Variants in KRT76 observed in about 807,000 individuals in gnomAD.
The protein encoded by KRT76 is keratin 76, also known as keratin, type II cytoskeletal 2 oral.
In KRT76, 47 loss-of-function variants were observed where a neutral mutation model predicts 44.9. The ratio of observed to expected loss-of-function variants is 1.05; its 90% CI spans 0.83 to 1.33. KRT76 has a LOEUF of 1.33. KRT76 is among the 40% of genes most tolerant of loss of function. The probability of loss-of-function intolerance (pLI) is 0.00; values close to 1 mark genes in which losing one functional copy is unlikely to be tolerated. For missense variants in KRT76, 860 were observed against 775.8 expected (o/e 1.11, Z -1.29); for synonymous variants, 331 against 294.1 (o/e 1.13, Z -1.28).
intron 4 of KRT76, 128 bp from the exon 5 acceptor site, chr12:52,772,386 T>A (rs2121191333): frequency 1.2e-6 from 1 of 864,798 alleles, no homozygotes; most frequent in East Asian, 2.7e-5. Context: ...GCTCACATTT[T>A]AGGCCTGGCT....
Position 52,772,264 on chromosome 12 carries a change from G to A in KRT76, c.973-6C>T. On this transcript the variant is annotated splice_polypyrimidine_tract_variant and splice_region_variant and intron_variant, in intron 4 of 8. Transcript: ENST00000332411. ...CTTTGCATCTGGGACAGCTCCTGCA[G>A]GAAACATGGATAGTTACTCTTACCA... 5.0e-6 allele frequency: 8 copies of A among 1,590,130 alleles called. No homozygotes were observed. Among genetic ancestry groups the A allele is most frequent in the Non-Finnish European group, 6.0e-6 (7 of 1,167,994 alleles).
rs149176912 is a variant in KRT76, at chr12:52,775,496, G to T, written c.707C>A (p.Ser236Tyr). 1 of 1,614,178 alleles carries T rather than the reference G, an allele frequency of 6.2e-7. No homozygotes were observed. The stretch of plus-strand genomic sequence containing the variant: ...CTGCTTGCATAGGAAGCTGATGTAG[G>T]ATTCAAAACAAGGCTCCAGGCTGCT... ...GPSSLEPCFE[S>Y]YISFLCKQLD... Residue 236 changes from serine to tyrosine, a missense_variant, in exon 2 of 9, where the codon TCC (serine) becomes TAC (tyrosine). Ser to Tyr is a moderately radical substitution (Grantham distance 144). Coordinates refer to ENST00000332411, the MANE Select transcript of KRT76 (RefSeq NM_015848.4).
Position 52,777,025 on chromosome 12 carries a change from G to A in KRT76, c.267C>T (p.Gly89=), listed in dbSNP as rs1333763878. The change falls in exon 1 of 9, where the codon GGC becomes GGT. Residue 89 remains glycine (G), a synonymous_variant. Transcript: ENST00000332411. ...GGFGGGRSSC[G]FAGGYGGGFG... ...AGCCACCTCCATAGCCACCTGCAAA[G>A]CCACAGCTGCTCCGCCCTCCCCCAA... The A allele has an allele frequency of 6.8e-6, 11 of 1,613,996 alleles. No individual in the cohort carries two copies. In the East Asian group the frequency reaches 8.9e-5, roughly 13 times the overall value.
rs1475050932 is a variant in KRT76 at position 52,768,620 on chromosome 12, C to A, written c.*93G>T. 5 of 1,410,060 alleles carry A rather than the reference C, an allele frequency of 3.5e-6. No individual in the cohort carries two copies. The Admixed American group carries it at 1.1e-4, about 30-fold the overall frequency. The allele number at this position is 1,410,060 out of a possible 1,614,324, so 87.3% of individuals were successfully genotyped here. A position where few individuals can be genotyped will look rare whatever the true frequency, so the allele number is the denominator to read the frequency against. On this transcript the variant is annotated 3_prime_UTR_variant, in exon 9 of 9. Transcript: ENST00000332411. ...GGAACTTGAGGAAAAATGTGGTTGACCCTTATGCATCTATTGATGCCAAGC... is the reference window on the plus strand; with the variant it reads ...GGAACTTGAGGAAAAATGTGGTTGAACCTTATGCATCTATTGATGCCAAGC...
chr12:52,772,375 A>G (rs914845780), intron 4 of KRT76, 117 bp from the exon 5 acceptor site: 2 of 1,043,074 alleles, frequency 1.9e-6, no homozygotes, highest in Non-Finnish European at 2.7e-6. Context: ...TGGAAAAATA[A>G]GCTCACATTT....
In KRT76 at chr12:52,776,943, C is replaced by T. The variant is rs536959890; in HGVS notation, c.349G>A (p.Gly117Arg). Residue 117 changes from glycine to arginine, a missense_variant, in exon 1 of 9, where the codon GGA (glycine) becomes AGA (arginine). Coordinates refer to ENST00000332411, the MANE Select transcript of KRT76 (RefSeq NM_015848.4). ...GCTCCACCAAAGCCACCAGCCCCTC[C>T]AAAACCACTACCTACTCCTCTGCCA... ...GGGRGVGSGF[G>R]GAGGFGGAGG... 3.1e-6 allele frequency: 5 copies of T among 1,613,896 alleles called. No individual in the cohort carries two copies. In the African/African-American group the frequency reaches 4.0e-5, roughly 13 times the overall value.
At chr12:52,775,645 G>A (rs1013327714) in intron 1 of KRT76, 43 bp from the exon 2 acceptor site, 5 of 1,509,982 alleles carry the variant, frequency 3.3e-6, no homozygotes, top group Non-Finnish European at 4.6e-6. Context: ...CCTTGAGTTG[G>A]GCATGTGGGG....
At position 52,776,700 on chromosome 12, in the gene KRT76, T is replaced by G. The variant is rs779196533; in HGVS notation, c.592A>C (p.Ile198Leu). 1 of 1,614,144 alleles carries G rather than the reference T, an allele frequency of 6.2e-7. No individual in the cohort carries two copies. The highest frequency in any genetic ancestry group is 8.5e-7 in the Non-Finnish European group (1 of 1,180,040). The change falls in exon 1 of 9, where the codon ATC becomes CTC. Residue 198 changes from isoleucine to leucine, a missense_variant. Physicochemically the swap from Ile to Leu is conservative, Grantham distance 5. Coordinates refer to ENST00000332411, the MANE Select transcript of KRT76 (RefSeq NM_015848.4). ...KTLNNKFASF[I>L]DKVRFLEQQN... The stretch of plus-strand genomic sequence containing the variant: ...CTTGGCCTTGCCCTCACCTTGTCGA[T>G]GAAGGAGGCAAACTTGTTGTTGAGG...
In KRT76 at chr12:52,768,457, C is replaced by T. The variant is rs1939124163; in HGVS notation, c.*256G>A. 2.2e-6 allele frequency: 1 copy of T among 450,670 alleles called. No individual in the cohort carries two copies. Among genetic ancestry groups the T allele is most frequent in the South Asian group, 4.2e-5 (1 of 24,058 alleles). The allele number at this position is 450,670 out of a possible 1,614,324, so 27.9% of individuals were successfully genotyped here. A position where few individuals can be genotyped will look rare whatever the true frequency, so the allele number is the denominator to read the frequency against. On this transcript the variant is annotated 3_prime_UTR_variant, in exon 9 of 9. Coordinates refer to ENST00000332411, the MANE Select transcript of KRT76 (RefSeq NM_015848.4). The stretch of plus-strand genomic sequence containing the variant: ...GTGAAGGCCAAAACTGGCTTGGGCT[C>T]AGGGGTTGCTGTCCAAAGTAAGGGG...
rs529208023 is a variant in KRT76 at position 52,772,224 on chromosome 12, G to A, written c.1007C>T (p.Thr336Met). 27 of 1,609,510 alleles carry A rather than the reference G, an allele frequency of 1.7e-5. No individual in the cohort carries two copies. In the East Asian group the frequency reaches 3.8e-4, roughly 23 times the overall value. The change falls in exon 5 of 9, where the codon ACG (threonine) becomes ATG (methionine). Residue 336 changes from threonine (T) to methionine (M), a missense_variant. Coordinates refer to ENST00000332411, the MANE Select transcript of KRT76 (RefSeq NM_015848.4). Reference sequence around the variant, plus strand: ...GTTGTCCATGGACAGAACCACAGACGTGTCACTGGCATGGCTTTGCATCTG... The same window carrying A: ...GTTGTCCATGGACAGAACCACAGACATGTCACTGGCATGGCTTTGCATCTG... ...LSQMQSHASD[T>M]SVVLSMDNNR...
intron 3 of KRT76, 81 bp from the exon 4 acceptor site, chr12:52,772,959 C>A: frequency 1.1e-6 from 1 of 931,902 alleles, no homozygotes; most frequent in South Asian, 1.3e-5. Flanking sequence ...CCTCATGTCT[C>A]GTCTTTGTTC....
In KRT76 at chr12:52,768,752, G is replaced by A. The variant is rs376438589; in HGVS notation, c.1878C>T (p.Ser626=). The part of the protein sequence containing the change: ...GGGGSTSIRF[S]QTTSSSQHSS... ...TATGCTGGCTTGAGCTCGTGGTCTGGGAGAAGCGGATACTGGTGCTGCCTC... is the reference window on the plus strand; with the variant it reads ...TATGCTGGCTTGAGCTCGTGGTCTGAGAGAAGCGGATACTGGTGCTGCCTC... The change falls in exon 9 of 9, where the codon TCC becomes TCT. Residue 626 remains serine (S), a synonymous_variant. Coordinates refer to ENST00000332411, the MANE Select transcript of KRT76 (RefSeq NM_015848.4). The A allele has an allele frequency of 2.5e-6, 4 of 1,608,186 alleles. No homozygotes were observed. In the African/African-American group the frequency reaches 5.3e-5, roughly 22 times the overall value.
At position 52,772,207 on chromosome 12, in the gene KRT76, T is replaced by G. The variant is rs142595044; in HGVS notation, c.1024A>C (p.Met342Leu). The G allele has an allele frequency of 6.2e-7, 1 of 1,612,958 alleles. No individual in the cohort carries two copies. Among genetic ancestry groups the G allele is most frequent in the South Asian group, 1.1e-5 (1 of 90,802 alleles). Residue 342 changes from methionine (M) to leucine (L), a missense_variant, in exon 5 of 9, where the codon ATG becomes CTG. Met to Leu is a conservative substitution (Grantham distance 15). Coordinates refer to ENST00000332411, the MANE Select transcript of KRT76 (RefSeq NM_015848.4). ...HASDTSVVLS[M>L]DNNRCLDLGS... The stretch of plus-strand genomic sequence containing the variant: ...AGGTCCAGGCAGCGGTTGTTGTCCA[T>G]GGACAGAACCACAGACGTGTCACTG...
intron 6 of KRT76, 69 bp downstream of exon 6, chr12:52,771,802 C>T: frequency 1.3e-6 from 2 of 1,549,812 alleles, no homozygotes; most frequent in Non-Finnish European, 1.8e-6. Flanking sequence ...AGCAGAGGAG[C>T]AGAGCTTATG....
Position 52,768,502 on chromosome 12 carries a change from A to G in KRT76, c.*211T>C. 1 of 540,486 alleles carries G rather than the reference A, an allele frequency of 1.9e-6. No homozygotes were observed. Among genetic ancestry groups the G allele is most frequent in the Non-Finnish European group, 3.2e-6 (1 of 313,100 alleles). The allele number at this position is 540,486 out of a possible 1,614,324, so 33.5% of individuals were successfully genotyped here. ...AAGGGGCCATTGCAGGAAGGTTTCC[A>G]GGGGCATCATCATCCCAGACCAGCA... is the stretch of plus-strand genomic sequence containing the variant. On this transcript the variant is annotated 3_prime_UTR_variant, in exon 9 of 9. Transcript: ENST00000332411.
rs559248300 is a variant in KRT76 at position 52,772,205 on chromosome 12, C to T, written c.1026G>A (p.Met342Ile). 4 of 1,613,072 alleles carry T rather than the reference C, an allele frequency of 2.5e-6. No individual in the cohort carries two copies. Among genetic ancestry groups the T allele is most frequent in the East Asian group, 4.5e-5 (2 of 44,874 alleles). The change falls in exon 5 of 9, where the codon ATG (methionine) becomes ATA (isoleucine). Residue 342 changes from methionine to isoleucine, a missense_variant. Met to Ile is a conservative substitution (Grantham distance 10). Transcript: ENST00000332411. Reference sequence around the variant, plus strand: ...CCAGGTCCAGGCAGCGGTTGTTGTCCATGGACAGAACCACAGACGTGTCAC... The same window carrying T: ...CCAGGTCCAGGCAGCGGTTGTTGTCTATGGACAGAACCACAGACGTGTCAC... Reference protein sequence around the residue: ...HASDTSVVLSMDNNRCLDLGS... With the variant: ...HASDTSVVLSIDNNRCLDLGS...
intron 2 of KRT76, 75 bp from the exon 3 acceptor site, chr12:52,773,717 T>C: frequency 1.6e-6 from 2 of 1,242,974 alleles, no homozygotes; most frequent in Non-Finnish European, 2.3e-6. Flanking sequence ...TTCCAGGCAC[T>C]CTCCTCACCT....
intron 2 of KRT76, 148 bp downstream of exon 2, chr12:52,775,240 C>T (rs1939242017): frequency 1.4e-6 from 1 of 716,938 alleles, no homozygotes; most frequent in Admixed American, 2.5e-5. Flanking sequence ...CACCCTTTCA[C>T]CCCCTTCTGC....
At chr12:52,772,525 G>A (rs181299099) in intron 4 of KRT76, among the ~76,000 whole-genome samples, 58 of 152,316 alleles carry the variant, frequency 3.8e-4, no homozygotes, top group African/African-American at 1.3e-3. Flanking sequence ...CCCCAGCAGG[G>A]AGGAGTATTA....
Sources: gnomAD v4.1 joint callset for allele counts (sites outside exome capture counted in the v4.1 genomes callset) on GRCh38, gnomAD v4.1.1 for gene constraint, MANE v1.5 for transcripts, NCBI Gene and HGNC (gene_info 2026-07-23, HGNC 2026-07-21) for gene names.